PDCD4: variants seen among roughly 807,000 people sequenced by gnomAD.
The protein encoded by PDCD4 is programmed cell death 4.
PDCD4 carries 56 observed loss-of-function variants against 54.0 expected under a neutral mutation model. The ratio of observed to expected loss-of-function variants is 1.04; its 90% CI spans 0.84 to 1.30. The LOEUF is 1.30. PDCD4 is among the 50% of genes most tolerant of loss of function. The pLI is 0.00. For missense variants in PDCD4, 584 were observed against 559.8 expected (o/e 1.04, Z -0.44); for synonymous variants, 186 against 194.8 (o/e 0.95, Z 0.37).
chr10:110,896,634 T>C (rs1244626000), intron 11 of PDCD4, among the ~76,000 whole-genome samples: 1 of 152,106 alleles, frequency 6.6e-6, no homozygotes, highest in African/African-American at 2.4e-5. Context: ...TCCTTGGAGC[T>C]ATTAATATTT....
chr10:110,880,953 T>G (rs1535559), intron 2 of PDCD4, among the ~76,000 whole-genome samples: 9,694 of 152,272 alleles, frequency 0.064, 411 homozygotes, highest in African/African-American at 0.12. Context: ...ATAACATGCT[T>G]CTTTTGGTAA....
chr10:110,892,760 A>G (rs1008391516), intron 8 of PDCD4, among the ~76,000 whole-genome samples: 33 of 152,166 alleles, frequency 2.2e-4, no homozygotes, highest in African/African-American at 7.5e-4. Context: ...CTAAGTATAC[A>G]GTGTTTATAA....
At chr10:110,877,513 A>C (rs992032184) in intron 2 of PDCD4, among the ~76,000 whole-genome samples, 4 of 152,144 alleles carry the variant, frequency 2.6e-5, no homozygotes, top group African/African-American at 9.7e-5. Flanking sequence ...AATTAATTTC[A>C]CCTGTTTTTA....
intron 2 of PDCD4, chr10:110,876,876 TTC>T (rs1845513299): frequency 5.2e-6 from 2 of 387,560 alleles, no homozygotes; most frequent in East Asian, 7.6e-5. Context: ...CTTTGGATAA[TTC>T]TTTGTCTTAT....
intron 6 of PDCD4, among the ~76,000 whole-genome samples, chr10:110,889,284 G>T (rs1845719539): frequency 6.6e-6 from 1 of 151,346 alleles, no homozygotes; most frequent in African/African-American, 2.4e-5. Context: ...TGTGCAAGGT[G>T]TTAGGGATTC....
In PDCD4 at chr10:110,889,641, C is replaced by G. The variant is rs774001374; in HGVS notation, c.875+11C>G. The G allele has an allele frequency of 6.9e-7, 1 of 1,439,666 alleles. No homozygotes were observed. The highest frequency in any genetic ancestry group is 1.4e-5 in the African/African-American group (1 of 70,500). 89.2% of individuals were successfully genotyped at this position (1,439,666 alleles called of 1,614,324 possible). A position where few individuals can be genotyped will look rare whatever the true frequency, so the allele number is the denominator to read the frequency against. ...TTGTGTGCAGGCTAGGTAAGTAAAT[C>G]ACTTTTCCTACTTAGAATTTCAAAA... On this transcript the variant is annotated intron_variant, in intron 7 of 11. Transcript: ENST00000280154.
chr10:110,891,196 G>C (rs1845750190), intron 8 of PDCD4, among the ~76,000 whole-genome samples: 1 of 151,922 alleles, frequency 6.6e-6, no homozygotes, highest in Non-Finnish European at 1.5e-5. Flanking sequence ...CTTGAGGCCA[G>C]GAGTTTGAGA....
chr10:110,891,622 AC>A (rs1393016877), intron 8 of PDCD4, among the ~76,000 whole-genome samples: 1 of 152,042 alleles, frequency 6.6e-6, no homozygotes, highest in Non-Finnish European at 1.5e-5. Flanking sequence ...TTTTCATGTA[AC>A]TACAATTTTG....
At chr10:110,883,985 C>G (rs1404451101) in intron 4 of PDCD4, among the ~76,000 whole-genome samples, 1 of 152,220 alleles carries the variant, frequency 6.6e-6, no homozygotes, top group African/African-American at 2.4e-5. Flanking sequence ...AAGCCAGTCA[C>G]AAGTTGTAAA....
intron 3 of PDCD4, among the ~76,000 whole-genome samples, 161 bp from the exon 4 acceptor site, chr10:110,882,842 T>A (rs1329317447): frequency 6.6e-6 from 1 of 152,130 alleles, no homozygotes; most frequent in East Asian, 1.9e-4. Flanking sequence ...ATTGAAAGAG[T>A]GGTCTGAACA....
intron 9 of PDCD4, 39 bp from the exon 10 acceptor site, chr10:110,894,373 T>C (rs1438844135): frequency 8.9e-7 from 1 of 1,124,308 alleles, no homozygotes; most frequent in Non-Finnish European, 1.3e-6. Context: ...GTTTCATATA[T>C]GAATTAACCA....
chr10:110,885,223 T>C, intron 4 of PDCD4, 30 bp from the exon 5 acceptor site: 1 of 1,032,486 alleles, frequency 9.7e-7, no homozygotes. Context: ...TTTTGTTTTT[T>C]ATAACTCTTA....
chr10:110,874,403 T>C (rs1319782120), intron 1 of PDCD4, among the ~76,000 whole-genome samples: 1 of 152,192 alleles, frequency 6.6e-6, no homozygotes. Context: ...CTTTCCTATA[T>C]GTATTTCATG....
chr10:110,895,459 TTTTC>T (rs1428484849), intron 10 of PDCD4, among the ~76,000 whole-genome samples: 1 of 152,304 alleles, frequency 6.6e-6, no homozygotes, highest in East Asian at 1.9e-4. Context: ...ATGTACCACA[TTTTC>T]TTTGTCTAAT....
Position 110,894,413 on chromosome 10 carries a change from CT to C in PDCD4, c.1101del (p.Ile368LeufsTer2). 6.9e-7 allele frequency: 1 copy of C among 1,459,250 alleles called. No individual in the cohort carries two copies. Among genetic ancestry groups the C allele is most frequent in the Non-Finnish European group, 9.6e-7 (1 of 1,044,884 alleles). The allele number at this position is 1,459,250 out of a possible 1,614,324, so 90.4% of individuals were successfully genotyped here. ...TTCACTCATTGATTCAATTTTTAGG[CT>C]ATTATAATGGTTTTAGAGTCAACTG... ...PHFHHELVYE[A>X]IIMVLESTGE... On this transcript the variant is annotated frameshift_variant and splice_region_variant, in exon 10 of 12. Transcript: ENST00000280154. LOFTEE classifies it high-confidence loss of function.
chr10:110,881,926 G>A (rs796721722), intron 3 of PDCD4, among the ~76,000 whole-genome samples: 13 of 152,066 alleles, frequency 8.5e-5, no homozygotes, highest in African/African-American at 2.7e-4. Context: ...GATTGATAAC[G>A]TCTAGATCTG....
intron 9 of PDCD4, 88 bp from the exon 10 acceptor site, chr10:110,894,324 C>T (rs1408972267): frequency 8.9e-6 from 8 of 895,410 alleles, no homozygotes; most frequent in Non-Finnish European, 1.5e-5. Context: ...TATTAAATTT[C>T]TACGATTACA....
At chr10:110,894,719 GT>G (rs200913544) in intron 10 of PDCD4, among the ~76,000 whole-genome samples, 197 bp downstream of exon 10, 11,783 of 127,310 alleles carry the variant, frequency 0.093, 581 homozygotes, top group African/African-American at 0.17. Context: ...ACACTGCAGT[GT>G]TTTTTTTTTT....
In PDCD4 at chr10:110,887,392, GACCC is replaced by G. The variant is rs536562497; in HGVS notation, c.556-271_556-268del. ...ATTTCTCAGAATGTATCTGTGTCGT[GACCC>G]ATGACAGTATTTTAAAGGTATTTCA... On this transcript the variant is annotated intron_variant, in intron 5 of 11. Transcript: ENST00000280154. Among the ~76,000 whole-genome samples the G allele has an allele frequency of 2.4e-3, 369 of 152,260 alleles. 3 individuals are homozygous for G. Among genetic ancestry groups the G allele is most frequent in the African/African-American group, 8.3e-3 (345 of 41,556 alleles).
Sources: gnomAD v4.1 joint callset for allele counts (sites outside exome capture counted in the v4.1 genomes callset) on GRCh38, gnomAD v4.1.1 for gene constraint, MANE v1.5 for transcripts, NCBI Gene and HGNC (gene_info 2026-07-23, HGNC 2026-07-21) for gene names.